Variants in SEMA6A observed in about 807,000 individuals in gnomAD.
The protein encoded by SEMA6A is semaphorin-6A.
SEMA6A carries 25 observed loss-of-function variants against 96.8 expected under a neutral mutation model. The observed-to-expected ratio is 0.26, with a 90% CI of 0.19 to 0.36. SEMA6A has a LOEUF of 0.36. Ranked by LOEUF, SEMA6A falls within the 10% of genes least tolerant of loss-of-function variation. The probability of loss-of-function intolerance (pLI) is 1.00; values close to 1 mark genes in which losing one functional copy is unlikely to be tolerated. For synonymous variants in SEMA6A, 612 were observed against 518.0 expected, an observed-to-expected ratio of 1.18 and a Z score of -2.46; for missense variants, 1,363 against 1,323.1, an observed-to-expected ratio of 1.03 and a Z score of -0.47.
At chr5:116,490,994 CAGT>C (rs1161215834) in intron 7 of SEMA6A, among the ~76,000 whole-genome samples, 2 of 152,176 alleles carry the variant, frequency 1.3e-5, no homozygotes, top group Admixed American at 1.3e-4. Context: ...ATATCTTTTG[CAGT>C]GGAAAGAAGG....
intron 1 of SEMA6A, among the ~76,000 whole-genome samples, chr5:116,517,613 C>T (rs917806368): frequency 7.9e-5 from 12 of 152,146 alleles, no homozygotes; most frequent in African/African-American, 2.9e-4. Flanking sequence ...GTTTTCCAGG[C>T]CCCTCTCCAG....
chr5:116,564,079 C>T (rs1370843542), intron 1 of SEMA6A, among the ~76,000 whole-genome samples: 1 of 152,222 alleles, frequency 6.6e-6, no homozygotes. Flanking sequence ...TTTTAATTTA[C>T]TTCACATTAT....
At chr5:116,556,859 G>T (rs1406427676) in intron 1 of SEMA6A, among the ~76,000 whole-genome samples, 1 of 152,128 alleles carries the variant, frequency 6.6e-6, no homozygotes, top group Non-Finnish European at 1.5e-5. Flanking sequence ...GATGTACTTG[G>T]AGTGTTGCAA....
At chr5:116,466,669 C>T (rs1307298806) in intron 18 of SEMA6A, among the ~76,000 whole-genome samples, 1 of 152,176 alleles carries the variant, frequency 6.6e-6, no homozygotes, top group Non-Finnish European at 1.5e-5. Context: ...CGACTGTCTT[C>T]CAAGGGTCAC....
intron 12 of SEMA6A, among the ~76,000 whole-genome samples, chr5:116,478,929 A>AGTGTGT (rs34260068): frequency 0.034 from 5,065 of 149,292 alleles, 100 homozygotes; most frequent in Middle Eastern, 0.038. Flanking sequence ...GGTGTGAGAG[A>AGTGTGT]GTGTGTGTGT....
At chr5:116,457,230 A>G (rs527816497) in intron 18 of SEMA6A, among the ~76,000 whole-genome samples, 27 of 152,296 alleles carry the variant, frequency 1.8e-4, no homozygotes, top group African/African-American at 6.5e-4. Context: ...CAAATGTCAG[A>G]TGATTGTGTC....
chr5:116,468,099 C>G, intron 17 of SEMA6A: 1 of 219,298 alleles, frequency 4.6e-6, no homozygotes, highest in Non-Finnish European at 9.0e-6. Context: ...GCATCTTGCA[C>G]AGTGTCTGAC....
intron 1 of SEMA6A, among the ~76,000 whole-genome samples, chr5:116,513,601 CT>C (rs138397170): frequency 0.067 from 8,969 of 132,882 alleles, 802 homozygotes; most frequent in African/African-American, 0.22. Flanking sequence ...TCTTGATTTT[CT>C]TTTTTTTTTT....
rs537728392 is a variant in SEMA6A, at chr5:116,487,991, G to A, written c.744+117C>T. 33 of 611,322 alleles carry A rather than the reference G, an allele frequency of 5.4e-5. 1 individual carries two copies. Among genetic ancestry groups the A allele is most frequent in the East Asian group, 2.1e-4 (7 of 33,336 alleles). 37.9% of individuals were successfully genotyped at this position (611,322 alleles called of 1,614,324 possible). ...AAACAGCAGATAGGGCCTCCAGACC[G>A]CACTCTGTTATTAGATTTATGGCTC... is the stretch of plus-strand genomic sequence containing the variant. On this transcript the variant is annotated intron_variant, in intron 9 of 18. Coordinates refer to ENST00000343348, the MANE Select transcript of SEMA6A (RefSeq NM_020796.5).
At chr5:116,487,066 G>T in intron 9 of SEMA6A, 100 bp from the exon 10 acceptor site, 1 of 777,628 alleles carries the variant, frequency 1.3e-6, no homozygotes, top group Non-Finnish European at 2.2e-6. Context: ...AAACAACAAG[G>T]TGCTTAATAC....
intron 1 of SEMA6A, among the ~76,000 whole-genome samples, chr5:116,571,855 G>A (rs1290277826): frequency 2.0e-5 from 3 of 152,136 alleles, no homozygotes; most frequent in East Asian, 1.9e-4. Flanking sequence ...AATCTTGACC[G>A]CTGGTAGCCA....
At chr5:116,490,099 C>G (rs763861555) in intron 7 of SEMA6A, among the ~76,000 whole-genome samples, 1 of 151,924 alleles carries the variant, frequency 6.6e-6, no homozygotes, top group Non-Finnish European at 1.5e-5. Flanking sequence ...ACAAAGATCT[C>G]GATGTCTGTC....
chr5:116,502,564 T>C, intron 2 of SEMA6A: 1 of 454,000 alleles, frequency 2.2e-6, no homozygotes, highest in South Asian at 3.5e-5. Context: ...TTTATATTTC[T>C]AAGTGTCACA....
intron 1 of SEMA6A, among the ~76,000 whole-genome samples, chr5:116,567,432 A>C (rs911205900): frequency 6.6e-6 from 1 of 152,094 alleles, no homozygotes; most frequent in African/African-American, 2.4e-5. Flanking sequence ...TTCAAAATCC[A>C]TTCCTAGGAC....
At position 116,488,986 on chromosome 5, in the gene SEMA6A, G is replaced by A; in HGVS notation, c.557C>T (p.Thr186Ile). The A allele has an allele frequency of 6.3e-7, 1 of 1,575,050 alleles. No individual in the cohort carries two copies. The highest frequency in any genetic ancestry group is 8.6e-7 in the Non-Finnish European group (1 of 1,158,798). ...LFADGKLYSA[T>I]VTDFLAIDAV... is the part of the protein sequence containing the mutation. The stretch of plus-strand genomic sequence containing the variant: ...GTCAATGGCAAGGAAGTCAGTCACT[G>A]TGGCTGAGTATAGTTTTCCATCTTA... The change falls in exon 8 of 19, where the codon ACA (threonine) becomes ATA (isoleucine). Residue 186 changes from threonine to isoleucine, a missense_variant. Thr to Ile is a moderately conservative substitution (Grantham distance 89). Transcript: ENST00000343348.
At chr5:116,448,270 G>C (rs985753965) in intron 18 of SEMA6A, among the ~76,000 whole-genome samples, 4 of 151,908 alleles carry the variant, frequency 2.6e-5, no homozygotes, top group Non-Finnish European at 4.4e-5. Context: ...GTTTGAACCT[G>C]GGAGGTGGAG....
At chr5:116,502,451 T>C in intron 2 of SEMA6A, 124 bp from the exon 3 acceptor site, 2 of 705,130 alleles carry the variant, frequency 2.8e-6, no homozygotes, top group Non-Finnish European at 2.5e-6. Context: ...TGCCACCATT[T>C]TCCATTTCCA....
rs1223124240 is a variant in SEMA6A at position 116,447,676 on chromosome 5, C to T, written c.2030G>A (p.Arg677Gln). 5 of 1,613,884 alleles carry T rather than the reference C, an allele frequency of 3.1e-6. No individual in the cohort carries two copies. The highest frequency in any genetic ancestry group is 4.2e-6 in the Non-Finnish European group (5 of 1,179,894). The change falls in exon 19 of 19, where the codon CGG becomes CAG. Residue 677 changes from arginine (R) to glutamine (Q), a missense_variant. Arg to Gln is a conservative substitution (Grantham distance 43). Around this residue, in one of 2 missense-constraint regions of SEMA6A, gnomAD observed 883 missense variants for 763.6 expected, o/e 1.16. Coordinates refer to ENST00000343348, the MANE Select transcript of SEMA6A (RefSeq NM_020796.5). ...CTGCACCACAGCCACGTCTTTGCGC[C>T]GATGATCACAGACGCAGTAGACGGT... ...GITVYCVCDH[R>Q]RKDVAVVQRK...
In SEMA6A at chr5:116,446,885, A is replaced by C. The variant is rs1487510105; in HGVS notation, c.2821T>G (p.Ser941Ala). ...CTGGAGAGGTGAGAGGAATTGGAGG[A>C]GTTAGTGTTGTTTCTTTTGAGAGTG... ...ATTLKRNNTN[S>A]SNSSHLSRNQ... is the part of the protein sequence containing the mutation. The change falls in exon 19 of 19, where the codon TCC (serine) becomes GCC (alanine). Residue 941 changes from serine to alanine, a missense_variant. Around this residue, in one of 2 missense-constraint regions of SEMA6A, gnomAD observed 883 missense variants for 763.6 expected, o/e 1.16. Transcript: ENST00000343348. The C allele has an allele frequency of 1.2e-6, 2 of 1,613,566 alleles. No individual in the cohort carries two copies. The highest frequency in any genetic ancestry group is 1.1e-5 in the South Asian group (1 of 91,062).
Sources: gnomAD v4.1 joint callset for allele counts (sites outside exome capture counted in the v4.1 genomes callset) on GRCh38, gnomAD v4.1.1 for gene constraint, gnomAD v4.1.1 regional missense constraint, MANE v1.5 for transcripts, NCBI Gene and HGNC (gene_info 2026-07-23, HGNC 2026-07-21) for gene names.